CCDC149: variants seen among roughly 807,000 people sequenced by gnomAD.
CCDC149 encodes coiled-coil domain containing 149.
CCDC149 carries 45 observed loss-of-function variants against 59.9 expected under a neutral mutation model. The observed-to-expected ratio is 0.75, with a 90% CI of 0.59 to 0.96. The LOEUF (loss-of-function observed/expected upper bound fraction) is 0.96. CCDC149 is among the 40% of genes least tolerant of loss of function. CCDC149 has a pLI of 0.00. For synonymous variants in CCDC149, 245 were observed against 260.6 expected (o/e 0.94, Z 0.58); for missense variants, 584 against 664.7 (o/e 0.88, Z 1.33).
At chr4:24,892,681 T>C (rs1720598201) in intron 1 of CCDC149, among the ~76,000 whole-genome samples, 2 of 152,266 alleles carry the variant, frequency 1.3e-5, no homozygotes, top group South Asian at 4.2e-4. Context: ...GGATCCCCTA[T>C]ATAAAATACT....
intron 1 of CCDC149, among the ~76,000 whole-genome samples, chr4:24,945,492 C>T (rs909182009): frequency 3.9e-5 from 6 of 152,230 alleles, no homozygotes; most frequent in South Asian, 2.1e-4. Context: ...AAGGAGTCCC[C>T]GTCAGAGCCT....
intron 9 of CCDC149, chr4:24,827,947 G>C (rs1715869999): frequency 6.6e-6 from 1 of 151,946 alleles, no homozygotes; most frequent in Admixed American, 6.6e-5. Context: ...CAGAGACCAG[G>C]GTAGTTTCCA....
chr4:24,836,772 G>C (rs554745779), intron 6 of CCDC149, among the ~76,000 whole-genome samples: 23 of 152,210 alleles, frequency 1.5e-4, no homozygotes, highest in Admixed American at 1.1e-3. Context: ...TATCAACACA[G>C]TTTTCACATA....
chr4:24,833,048 T>C (rs1716259518), intron 8 of CCDC149, among the ~76,000 whole-genome samples: 1 of 152,186 alleles, frequency 6.6e-6, no homozygotes, highest in Non-Finnish European at 1.5e-5. Flanking sequence ...CTCCTGCGTA[T>C]GTGTCCTTTC....
intron 1 of CCDC149, among the ~76,000 whole-genome samples, chr4:24,895,462 CT>C (rs1400670476): frequency 4.6e-5 from 7 of 152,102 alleles, no homozygotes; most frequent in Non-Finnish European, 1.0e-4. Flanking sequence ...TTGTAGGTGG[CT>C]TTTTTTCTTT....
downstream of CCDC149, among the ~76,000 whole-genome samples, chr4:24,803,919 T>C (rs1242045670): frequency 2.0e-5 from 3 of 152,232 alleles, no homozygotes; most frequent in Admixed American, 1.3e-4. This position sits in a 1 kb window ranked among gnomAD's most constrained non-coding sequence, Gnocchi z 4.3. Context: ...AACCATAATA[T>C]TGAGAGACGG....
intron 12 of CCDC149, among the ~76,000 whole-genome samples, chr4:24,813,228 GGCC>G (rs1714747498): frequency 6.6e-6 from 1 of 152,048 alleles, no homozygotes. Context: ...ACAGGAAGAA[GGCC>G]CTCCTGAGTC....
intron 1 of CCDC149, among the ~76,000 whole-genome samples, chr4:24,978,882 T>C (rs985361733): frequency 6.6e-6 from 1 of 152,234 alleles, no homozygotes; most frequent in African/African-American, 2.4e-5. Flanking sequence ...CTTTAGGATT[T>C]CTCAATAGGA....
At chr4:24,924,937 C>T (rs554279371) in intron 1 of CCDC149, among the ~76,000 whole-genome samples, 1 of 152,280 alleles carries the variant, frequency 6.6e-6, no homozygotes, top group East Asian at 1.9e-4. Context: ...GGCTACAATA[C>T]CCATCTCATA....
intron 1 of CCDC149, among the ~76,000 whole-genome samples, chr4:24,909,797 T>C (rs759839749): frequency 1.3e-5 from 2 of 152,130 alleles, no homozygotes; most frequent in African/African-American, 2.4e-5. Flanking sequence ...CTGCCATCCA[T>C]GTAAGATGTT....
At position 24,848,538 on chromosome 4, in the gene CCDC149, C is replaced by A. The variant is rs575488306; in HGVS notation, c.372+4534G>T. 2.6e-5 allele frequency among the ~76,000 whole-genome samples: 4 copies of A among 152,114 alleles called. No homozygotes were observed. The East Asian group carries it at 7.7e-4, about 29-fold the overall frequency. On this transcript the variant is annotated intron_variant, in intron 4 of 12. Transcript: ENST00000635206. ...GAGCTGAGATTGCACCACTGTGCTCCAGCCTGGTGACAGAGTGAGACTCCA... is the reference window on the plus strand; with the variant it reads ...GAGCTGAGATTGCACCACTGTGCTCAAGCCTGGTGACAGAGTGAGACTCCA...
chr4:24,974,496 G>A (rs915051133), intron 1 of CCDC149, among the ~76,000 whole-genome samples: 5 of 152,134 alleles, frequency 3.3e-5, no homozygotes, highest in Admixed American at 2.0e-4. Context: ...AGAAATCACC[G>A]GACCTTTCTG....
intron 1 of CCDC149, among the ~76,000 whole-genome samples, chr4:24,949,142 T>C (rs1723202715): frequency 6.6e-6 from 1 of 152,218 alleles, no homozygotes; most frequent in Non-Finnish European, 1.5e-5. Flanking sequence ...CAGGGCTTCA[T>C]CATGCCTTTG....
At chr4:24,899,284 G>C (rs1178857735) in intron 1 of CCDC149, among the ~76,000 whole-genome samples, 1 of 152,140 alleles carries the variant, frequency 6.6e-6, no homozygotes. Flanking sequence ...AAGAATCAAG[G>C]TAGACTTCAC....
chr4:24,910,152 G>A (rs886947673), intron 1 of CCDC149, among the ~76,000 whole-genome samples: 5 of 152,100 alleles, frequency 3.3e-5, no homozygotes, highest in South Asian at 2.1e-4. Flanking sequence ...AGCTGCCAGC[G>A]ACCTCTGGCA....
intron 1 of CCDC149, among the ~76,000 whole-genome samples, chr4:24,935,959 G>C (rs1219460693): frequency 6.6e-6 from 1 of 152,152 alleles, no homozygotes; most frequent in Non-Finnish European, 1.5e-5. Context: ...TGGTCAGTGA[G>C]TAAGCAGAAG....
intron 1 of CCDC149, among the ~76,000 whole-genome samples, chr4:24,905,009 C>T (rs1721388101): frequency 1.3e-5 from 2 of 152,144 alleles, no homozygotes; most frequent in Admixed American, 1.3e-4. Flanking sequence ...TCAAGCGATT[C>T]TCCTGCCTCG....
At chr4:24,926,037 A>G (rs2109339048) in intron 1 of CCDC149, among the ~76,000 whole-genome samples, 1 of 152,260 alleles carries the variant, frequency 6.6e-6, no homozygotes, top group East Asian at 1.9e-4. Context: ...ACTAAAAAAA[A>G]TACAAAAAAT....
intron 4 of CCDC149, 48 bp from the exon 5 acceptor site, chr4:24,838,320 GA>G (rs1716685121): frequency 7.1e-7 from 1 of 1,414,010 alleles, no homozygotes; most frequent in Admixed American, 1.7e-5. Flanking sequence ...AGAATAAACA[GA>G]TCCAAATAAA....
Sources: gnomAD v4.1 joint callset for allele counts (sites outside exome capture counted in the v4.1 genomes callset) on GRCh38, gnomAD v4.1.1 for gene constraint, Gnocchi (gnomAD v3.1) non-coding constraint, MANE v1.5 for transcripts, NCBI Gene and HGNC (gene_info 2026-07-23, HGNC 2026-07-21) for gene names.